CNTNAP5: variants seen among roughly 807,000 people sequenced by gnomAD.
CNTNAP5 encodes the protein contactin-associated protein-like 5.
In CNTNAP5, 72 loss-of-function variants were observed where a neutral mutation model predicts 150.2. The observed-to-expected ratio is 0.48, with a 90% CI of 0.40 to 0.58. The LOEUF (loss-of-function observed/expected upper bound fraction) is 0.58. CNTNAP5 is among the 20% of genes least tolerant of loss of function. The pLI, the probability that CNTNAP5 is intolerant of heterozygous loss-of-function variation, is 0.00. For synonymous variants in CNTNAP5, 672 were observed against 619.8 expected (o/e 1.08, Z -1.25); for missense variants, 1,636 against 1,626.2 (o/e 1.01, Z -0.10).
intron 12 of CNTNAP5, among the ~76,000 whole-genome samples, 177 bp downstream of exon 12, chr2:124,610,097 C>T (rs969420536): frequency 6.6e-6 from 1 of 152,154 alleles, no homozygotes; most frequent in Non-Finnish European, 1.5e-5. Context: ...GGTTAATTTT[C>T]ATGAGACAGA....
intron 6 of CNTNAP5, 118 bp downstream of exon 6, chr2:124,447,055 G>A (rs1213529106): frequency 1.8e-5 from 17 of 922,560 alleles, no homozygotes; most frequent in East Asian, 1.3e-4. Flanking sequence ...CTTACCCTGG[G>A]ACTTACTTCC....
At chr2:124,307,519 G>A (rs953044481) in intron 3 of CNTNAP5, among the ~76,000 whole-genome samples, 1 of 152,068 alleles carries the variant, frequency 6.6e-6, no homozygotes, top group African/African-American at 2.4e-5. Flanking sequence ...TTCAATTTTT[G>A]TTACCAAACT....
chr2:124,243,737 T>C (rs1413778007), intron 3 of CNTNAP5, among the ~76,000 whole-genome samples: 1 of 152,054 alleles, frequency 6.6e-6, no homozygotes, highest in East Asian at 1.9e-4. Flanking sequence ...GATGAAATCA[T>C]TTGTACACTA....
At chr2:124,855,550 A>G (rs1311801482) in intron 19 of CNTNAP5, among the ~76,000 whole-genome samples, 4 of 152,114 alleles carry the variant, frequency 2.6e-5, no homozygotes, top group Non-Finnish European at 5.9e-5. Context: ...AGTGTGGAAA[A>G]CAGATTAGAG....
intron 3 of CNTNAP5, among the ~76,000 whole-genome samples, chr2:124,316,801 T>G (rs1444598347): frequency 1.9e-5 from 1 of 52,648 alleles, no homozygotes; most frequent in Non-Finnish European, 3.0e-5. Context: ...CGAGACTCCA[T>G]CTCAAAAAAA....
At position 124,914,244 on chromosome 2, in the gene CNTNAP5, T is replaced by C; in HGVS notation, c.3880T>C (p.Leu1294=). The change falls in exon 24 of 24, where the codon TTG becomes CTG. Residue 1294 remains leucine, a synonymous_variant. Coordinates refer to ENST00000682447, the MANE Select transcript of CNTNAP5 (RefSeq NM_001367498.1). ...CAGTTCCTTCAGAAATGAAATTGACTTGCAAAACACAGTGAGCGAGTGTAA... is the reference window on the plus strand; with the variant it reads ...CAGTTCCTTCAGAAATGAAATTGACCTGCAAAACACAGTGAGCGAGTGTAA... ...LDSSFRNEID[L]QNTVSECKRE... 6.2e-7 allele frequency: 1 copy of C among 1,612,476 alleles called. No individual in the cohort carries two copies. The highest frequency in any genetic ancestry group is 8.5e-7 in the Non-Finnish European group (1 of 1,178,990).
chr2:124,679,673 A>G (rs1679021604), intron 13 of CNTNAP5, among the ~76,000 whole-genome samples: 1 of 151,372 alleles, frequency 6.6e-6, no homozygotes, highest in Admixed American at 6.7e-5. Flanking sequence ...GGCTCAAGTT[A>G]TCCTCCCACC....
intron 4 of CNTNAP5, among the ~76,000 whole-genome samples, chr2:124,420,366 T>C (rs534776644): frequency 2.2e-4 from 34 of 152,246 alleles, no homozygotes; most frequent in African/African-American, 7.9e-4. Context: ...CATGGCCCTC[T>C]TTAGCAACTA....
intron 3 of CNTNAP5, among the ~76,000 whole-genome samples, chr2:124,402,414 A>G (rs1046455807): frequency 1.9e-4 from 29 of 152,216 alleles, no homozygotes; most frequent in African/African-American, 4.8e-4. Context: ...CACAGAGTCG[A>G]TAGCGACTCC....
chr2:124,421,352 C>T (rs1692099314), intron 4 of CNTNAP5, among the ~76,000 whole-genome samples: 1 of 152,178 alleles, frequency 6.6e-6, no homozygotes, highest in Admixed American at 6.5e-5. Context: ...AACACTCCTC[C>T]CCATCTCAGT....
At chr2:124,446,349 G>T (rs374667801) in intron 5 of CNTNAP5, among the ~76,000 whole-genome samples, 1 of 151,910 alleles carries the variant, frequency 6.6e-6, no homozygotes, top group African/African-American at 2.4e-5. Flanking sequence ...TTCCCTTTAC[G>T]TATCCCAGCT....
intron 3 of CNTNAP5, among the ~76,000 whole-genome samples, chr2:124,314,938 G>A (rs1033249169): frequency 5.3e-5 from 8 of 150,784 alleles, no homozygotes; most frequent in Non-Finnish European, 1.2e-4. Context: ...AACTGAATGT[G>A]TATATAGTAT....
At chr2:124,272,884 A>G (rs189231687) in intron 3 of CNTNAP5, among the ~76,000 whole-genome samples, 11 of 152,354 alleles carry the variant, frequency 7.2e-5, no homozygotes, top group East Asian at 3.9e-4. Flanking sequence ...AAAGAATTCA[A>G]TGCATGAATC....
intron 3 of CNTNAP5, among the ~76,000 whole-genome samples, chr2:124,256,610 G>A (rs1035945285): frequency 6.6e-5 from 10 of 152,198 alleles, no homozygotes; most frequent in African/African-American, 1.7e-4. Flanking sequence ...TGCCTCTGTC[G>A]ATTTTTATTA....
rs1439480942 is a variant in CNTNAP5, at chr2:124,451,052, AT to A, written c.918+4116del. ...CTTAAAAAAAAAAAAAAAAAAAAAA[AT>A]ATATATATATATATATATATATATA... On this transcript the variant is annotated intron_variant, in intron 6 of 23. Coordinates refer to ENST00000682447, the MANE Select transcript of CNTNAP5 (RefSeq NM_001367498.1). Among the ~76,000 whole-genome samples, 465 of 49,594 alleles carry A rather than the reference AT, an allele frequency of 9.4e-3. 1 individual carries two copies. Among genetic ancestry groups the A allele is most frequent in the Non-Finnish European group, 0.012 (331 of 26,888 alleles). 32.5% of individuals were successfully genotyped at this position (49,594 alleles called of 152,430 possible).
At chr2:124,088,257 A>AT (rs1389811943) in intron 1 of CNTNAP5, among the ~76,000 whole-genome samples, 1 of 151,580 alleles carries the variant, frequency 6.6e-6, no homozygotes, top group Non-Finnish European at 1.5e-5. Flanking sequence ...TTACATTTCT[A>AT]TTTTTTTAGT....
intron 3 of CNTNAP5, among the ~76,000 whole-genome samples, chr2:124,373,121 C>T (rs755683973): frequency 5.9e-5 from 9 of 152,150 alleles, no homozygotes; most frequent in East Asian, 1.9e-4. Context: ...GGAGCAGTGC[C>T]GTTCTTGACA....
At chr2:124,188,861 C>T (rs1276713996) in intron 1 of CNTNAP5, among the ~76,000 whole-genome samples, 1 of 151,998 alleles carries the variant, frequency 6.6e-6, no homozygotes, top group Non-Finnish European at 1.5e-5. Flanking sequence ...CATTGTCATG[C>T]TTCAGACATT....
At chr2:124,598,814 C>A (rs1477433079) in intron 11 of CNTNAP5, among the ~76,000 whole-genome samples, 1 of 152,186 alleles carries the variant, frequency 6.6e-6, no homozygotes, top group Non-Finnish European at 1.5e-5. Flanking sequence ...GGCATAGGAC[C>A]CTCCGAGCCA....
Sources: allele counts gnomAD v4.1 joint callset (sites outside exome capture counted in the v4.1 genomes callset), GRCh38; gene constraint gnomAD v4.1.1; transcripts MANE v1.5; gene names NCBI Gene and HGNC (gene_info 2026-07-23, HGNC 2026-07-21).